UBQLN1: variants seen among roughly 807,000 people sequenced by gnomAD.
UBQLN1 encodes ubiquilin 1.
A neutral mutation model predicts 65.4 loss-of-function variants in UBQLN1; 13 were observed. The observed-to-expected ratio is 0.20, with a 90% CI of 0.13 to 0.32. The LOEUF (loss-of-function observed/expected upper bound fraction) is 0.32, where lower values mean the gene tolerates loss of function less well. Ranked by LOEUF, UBQLN1 falls within the 10% of genes least tolerant of loss-of-function variation. The pLI, the probability that UBQLN1 is intolerant of heterozygous loss-of-function variation, is 1.00. For synonymous variants in UBQLN1, 267 were observed against 247.8 expected (o/e 1.08, Z -0.73); for missense variants, 561 against 724.0 (o/e 0.77, Z 2.58).
At chr9:83,706,547 G>A (rs900531428) in intron 1 of UBQLN1, among the ~76,000 whole-genome samples, 1 of 152,194 alleles carries the variant, frequency 6.6e-6, no homozygotes, top group Non-Finnish European at 1.5e-5. Flanking sequence ...TTCAGGAATT[G>A]TTGTTTCCTG....
At chr9:83,673,561 AAAAAAAC>A (rs745496512) in intron 6 of UBQLN1, among the ~76,000 whole-genome samples, 23,580 of 85,160 alleles carry the variant, frequency 0.28, 2,886 homozygotes, top group East Asian at 0.72. Context: ...AAAAAAAAAA[AAAAAAAC>A]AAAAAAAAAA....
chr9:83,666,250 T>C, intron 8 of UBQLN1, 100 bp downstream of exon 8: 5 of 1,120,028 alleles, frequency 4.5e-6, no homozygotes, highest in Non-Finnish European at 6.7e-6. Flanking sequence ...CTCTATTCTA[T>C]GTTTTGCTAT....
chr9:83,678,333 A>C (rs1831877988), intron 5 of UBQLN1, 108 bp downstream of exon 5: 5 of 1,394,418 alleles, frequency 3.6e-6, no homozygotes, highest in Non-Finnish European at 4.8e-6. Context: ...TGAACTTTTT[A>C]AAAATTGAAA....
In UBQLN1 at chr9:83,661,621, A is replaced by AG. The variant is rs1831562375; in HGVS notation, c.*165dup. On this transcript the variant is annotated 3_prime_UTR_variant, in exon 11 of 11. Coordinates refer to ENST00000376395, the MANE Select transcript of UBQLN1 (RefSeq NM_013438.5). ...CCACTGTTCCAGAAAAGAAAAATAC[A>AG]GAAAAACCCACACATCTTACTGTAC... 6.3e-6 allele frequency: 4 copies of AG among 631,680 alleles called. No individual in the cohort carries two copies. 39.1% of individuals were successfully genotyped at this position (631,680 alleles called of 1,614,324 possible).
At position 83,661,479 on chromosome 9, in the gene UBQLN1, TA is replaced by T; in HGVS notation, c.*307del. 1 of 226,576 alleles carries T rather than the reference TA, an allele frequency of 4.4e-6. No individual in the cohort carries two copies. The highest frequency in any genetic ancestry group is 9.5e-5 in the East Asian group (1 of 10,546). The allele number at this position is 226,576 out of a possible 1,614,324, so 14.0% of individuals were successfully genotyped here. Reference sequence around the variant, plus strand: ...TAAATTACTACCATAGGCTAATGTTTAAAAAGCAAATAAACTGGACAGATGC... The same window carrying T: ...TAAATTACTACCATAGGCTAATGTTTAAAAGCAAATAAACTGGACAGATGC... On this transcript the variant is annotated 3_prime_UTR_variant, in exon 11 of 11. Transcript: ENST00000376395.
Position 83,707,508 on chromosome 9 carries a change from C to T in UBQLN1, c.172G>A (p.Val58Ile). The change falls in exon 1 of 11, where the codon GTC (valine) becomes ATC (isoleucine). Residue 58 changes from valine (V) to isoleucine (I), a missense_variant. Val to Ile is a conservative substitution (Grantham distance 29). Coordinates refer to ENST00000376395, the MANE Select transcript of UBQLN1 (RefSeq NM_013438.5). ...EEFAVPENSS[V>I]QQFKEEISKR... is the part of the protein sequence containing the mutation. ...GCCCCAGGCGGCCTCACCTGCTGGACGGAGCTATTCTCGGGCACGGCGAAT... is the reference window on the plus strand; with the variant it reads ...GCCCCAGGCGGCCTCACCTGCTGGATGGAGCTATTCTCGGGCACGGCGAAT... 6.2e-7 allele frequency: 1 copy of T among 1,608,622 alleles called. No individual in the cohort carries two copies.
chr9:83,684,157 A>C (rs1831997965), intron 2 of UBQLN1, among the ~76,000 whole-genome samples: 1 of 152,154 alleles, frequency 6.6e-6, no homozygotes, highest in Non-Finnish European at 1.5e-5. Context: ...TCACCAAAAG[A>C]AAGCCAACAA....
At chr9:83,687,836 T>C (rs1055821917) in intron 1 of UBQLN1, among the ~76,000 whole-genome samples, 52 of 152,304 alleles carry the variant, frequency 3.4e-4, no homozygotes, top group African/African-American at 1.2e-3. Context: ...TGCTAACATT[T>C]TGAAAAATAA....
rs998910927 is a variant in UBQLN1 at position 83,683,956 on chromosome 9, G to T, written c.333-890C>A. ...AGACTACTTGAACCCAGGAGGCGGA[G>T]GTTGTAGTGAGCCAAGATTGCGCCA... On this transcript the variant is annotated intron_variant, in intron 2 of 10. Coordinates refer to ENST00000376395, the MANE Select transcript of UBQLN1 (RefSeq NM_013438.5). Among the ~76,000 whole-genome samples, 3 of 152,104 alleles carry T rather than the reference G, an allele frequency of 2.0e-5. No homozygotes were observed. In the East Asian group the frequency reaches 5.9e-4, roughly 30 times the overall value.
chr9:83,662,355 TTGAG>T, intron 10 of UBQLN1, among the ~76,000 whole-genome samples: 1 of 151,556 alleles, frequency 6.6e-6, no homozygotes, highest in African/African-American at 2.4e-5. Flanking sequence ...TACTGACCAA[TTGAG>T]TAACTATAAA....
At chr9:83,664,537 A>G (rs1034124754) in intron 9 of UBQLN1, among the ~76,000 whole-genome samples, 1 of 152,084 alleles carries the variant, frequency 6.6e-6, no homozygotes, top group African/African-American at 2.4e-5. Flanking sequence ...GGATCACCTG[A>G]GCTTAGAAGT....
Position 83,688,260 on chromosome 9 carries a change from T to C in UBQLN1, c.181-2105A>G, listed in dbSNP as rs548576602. 9.2e-5 allele frequency among the ~76,000 whole-genome samples: 14 copies of C among 152,308 alleles called. 1 individual carries two copies. The South Asian group carries it at 2.7e-3, about 29-fold the overall frequency. Reference sequence around the variant, plus strand: ...ATTTTTCGAGGAAGAGAGTTTTTAATCCTATTTCAGACACAGAAAAAGAGG... The same window carrying C: ...ATTTTTCGAGGAAGAGAGTTTTTAACCCTATTTCAGACACAGAAAAAGAGG... On this transcript the variant is annotated intron_variant, in intron 1 of 10. Transcript: ENST00000376395.
intron 6 of UBQLN1, among the ~76,000 whole-genome samples, chr9:83,673,159 G>C (rs553264550): frequency 6.6e-6 from 1 of 152,342 alleles, no homozygotes; most frequent in East Asian, 1.9e-4. Flanking sequence ...GAACCCAGGA[G>C]AAGAAGGTTG....
intron 2 of UBQLN1, among the ~76,000 whole-genome samples, chr9:83,683,386 G>A (rs1388187812): frequency 1.5e-5 from 2 of 131,764 alleles, no homozygotes; most frequent in Admixed American, 9.4e-5. Flanking sequence ...ACTCCGTCCA[G>A]CCTGGGCAAC....
intron 1 of UBQLN1, among the ~76,000 whole-genome samples, chr9:83,698,213 G>A (rs183038029): frequency 2.1e-3 from 324 of 152,300 alleles, no homozygotes; most frequent in African/African-American, 7.1e-3. Flanking sequence ...GAAAGAGCCA[G>A]TGATATTTGA....
In UBQLN1 at chr9:83,661,697, C is replaced by T; in HGVS notation, c.*90G>A. 7.1e-7 allele frequency: 1 copy of T among 1,404,108 alleles called. No individual in the cohort carries two copies. The allele number at this position is 1,404,108 out of a possible 1,614,324, so 87.0% of individuals were successfully genotyped here. A position where few individuals can be genotyped will look rare whatever the true frequency, so the allele number is the denominator to read the frequency against. On this transcript the variant is annotated 3_prime_UTR_variant, in exon 11 of 11. Transcript: ENST00000376395. ...GTTTGTTTATAACAGCACAGAATTC[C>T]AAGAGTCAAAATGAAATAAAGCAGG... is the stretch of plus-strand genomic sequence containing the variant.
At chr9:83,703,171 A>AC (rs1832339608) in intron 1 of UBQLN1, among the ~76,000 whole-genome samples, 1 of 151,812 alleles carries the variant, frequency 6.6e-6, no homozygotes, top group Admixed American at 6.6e-5. Context: ...CCAAAAAAAA[A>AC]AAATCTCATA....
chr9:83,680,231 G>A (rs1487040383), intron 3 of UBQLN1, among the ~76,000 whole-genome samples, 194 bp from the exon 4 acceptor site: 1 of 151,768 alleles, frequency 6.6e-6, no homozygotes, highest in African/African-American at 2.4e-5. Flanking sequence ...TTTACACTTT[G>A]GTAATTAAAG....
chr9:83,707,752 C>A lies in UBQLN1; in HGVS notation c.-73G>T. On this transcript the variant is annotated 5_prime_UTR_variant, in exon 1 of 11. Transcript: ENST00000376395. The stretch of plus-strand genomic sequence containing the variant: ...AGGCGAGCAAGGAGGAGCCAGCAGA[C>A]ACCAGAGCCGGCAGGCCTGGACAGC... 1 of 1,479,914 alleles carries A rather than the reference C, an allele frequency of 6.8e-7. No individual in the cohort carries two copies. The highest frequency in any genetic ancestry group is 8.9e-7 in the Non-Finnish European group (1 of 1,126,078). The allele number at this position is 1,479,914 out of a possible 1,614,324, so 91.7% of individuals were successfully genotyped here.
Sources: gnomAD v4.1 joint callset for allele counts (sites outside exome capture counted in the v4.1 genomes callset) on GRCh38, gnomAD v4.1.1 for gene constraint, MANE v1.5 for transcripts, NCBI Gene and HGNC (gene_info 2026-07-23, HGNC 2026-07-21) for gene names.